LUZP2: variants seen among roughly 807,000 people sequenced by gnomAD.
The protein encoded by LUZP2 is leucine zipper protein 2.
A neutral mutation model predicts 51.6 loss-of-function variants in LUZP2; 52 were observed. That is an observed-to-expected ratio of 1.01 (90% confidence interval 0.81 to 1.27). The LOEUF is 1.27. Among genes scored for constraint, LUZP2 ranks in the 50% most tolerant of loss-of-function variants. The probability of loss-of-function intolerance (pLI) is 0.00; values close to 1 mark genes in which losing one functional copy is unlikely to be tolerated. For synonymous variants in LUZP2, 154 were observed against 137.3 expected, an observed-to-expected ratio of 1.12 and a Z score of -0.85; for missense variants, 436 against 395.4, an observed-to-expected ratio of 1.10 and a Z score of -0.87.
intron 5 of LUZP2, among the ~76,000 whole-genome samples, chr11:24,859,717 G>A (rs993392598): frequency 6.6e-5 from 10 of 152,202 alleles, no homozygotes; most frequent in Admixed American, 5.2e-4. Flanking sequence ...AGTGTGGTGC[G>A]GCAGCCCACC....
At position 24,678,608 on chromosome 11, in the gene LUZP2, C is replaced by T. The variant is rs1162472236; in HGVS notation, c.63-50561C>T. On this transcript the variant is annotated intron_variant, in intron 1 of 11. Transcript: ENST00000336930. ...TACTTCTAAGCTACTCAATAGCAGC[C>T]TTCAATTTTAGACATAATTTACTTT... Among the ~76,000 whole-genome samples the T allele has an allele frequency of 3.3e-5, 5 of 152,134 alleles. No individual in the cohort carries two copies. In the East Asian group the frequency reaches 9.6e-4, roughly 29 times the overall value.
rs1277388215 is a variant in LUZP2, at chr11:24,922,825, C to CTT, written c.522+8297_522+8298dup. ...GGACTACCAAGTGGCACAGTTATAT[C>CTT]TTTTTTTTTTTCTTTTTTTTTTTTT... is the stretch of plus-strand genomic sequence containing the variant. On this transcript the variant is annotated intron_variant, in intron 7 of 11. Coordinates refer to ENST00000336930, the MANE Select transcript of LUZP2 (RefSeq NM_001009909.4). Among the ~76,000 whole-genome samples the CTT allele has an allele frequency of 1.5e-3, 65 of 44,598 alleles. 7 individuals carry two copies. Among genetic ancestry groups the CTT allele is most frequent in the South Asian group, 2.9e-3 (2 of 688 alleles). The allele number at this position is 44,598 out of a possible 152,430, so 29.3% of individuals were successfully genotyped here.
chr11:24,795,798 A>G (rs1414642411), intron 5 of LUZP2, among the ~76,000 whole-genome samples: 1 of 152,064 alleles, frequency 6.6e-6, no homozygotes, highest in Non-Finnish European at 1.5e-5. Context: ...CTTGCTATCA[A>G]TCTCTTGTCT....
At chr11:24,664,165 A>G (rs1272463344) in intron 1 of LUZP2, among the ~76,000 whole-genome samples, 1 of 151,416 alleles carries the variant, frequency 6.6e-6, no homozygotes, top group African/African-American at 2.5e-5. Context: ...GGAACTTCCT[A>G]GAGACTTGGA....
At chr11:24,627,882 C>A (rs779065426) in intron 1 of LUZP2, among the ~76,000 whole-genome samples, 1 of 152,148 alleles carries the variant, frequency 6.6e-6, no homozygotes, top group Non-Finnish European at 1.5e-5. Flanking sequence ...GATAATGACA[C>A]CCCTCCCTTC....
chr11:24,964,633 A>G (rs1472620124), intron 7 of LUZP2, among the ~76,000 whole-genome samples: 1 of 152,110 alleles, frequency 6.6e-6, no homozygotes. Context: ...GGTATATTAT[A>G]CTATGTGGCT....
At chr11:24,893,404 G>C (rs1243041348) in intron 5 of LUZP2, 1 of 151,984 alleles carries the variant, frequency 6.6e-6, no homozygotes, top group Non-Finnish European at 1.5e-5. Context: ...AAATTCTGTA[G>C]AGTATTTCTA....
At chr11:24,501,407 A>G (rs765924580) in intron 1 of LUZP2, among the ~76,000 whole-genome samples, 27 of 152,358 alleles carry the variant, frequency 1.8e-4, no homozygotes, top group South Asian at 2.1e-4. Context: ...ATTGAAAGGA[A>G]GAACTTGACC....
At chr11:24,765,713 C>T (rs1305435173) in intron 5 of LUZP2, among the ~76,000 whole-genome samples, 2 of 149,692 alleles carry the variant, frequency 1.3e-5, no homozygotes, top group African/African-American at 2.5e-5. Context: ...CTGCAAGCTG[C>T]GCCTCCCAGG....
At chr11:24,843,947 G>A (rs1174299243) in intron 5 of LUZP2, among the ~76,000 whole-genome samples, 1 of 152,130 alleles carries the variant, frequency 6.6e-6, no homozygotes, top group Non-Finnish European at 1.5e-5. Flanking sequence ...GAAACTGTAA[G>A]TCCCTTTTTC....
chr11:24,742,331 GTTCC>G (rs1859213747), intron 4 of LUZP2, among the ~76,000 whole-genome samples: 1 of 151,804 alleles, frequency 6.6e-6, no homozygotes, highest in Non-Finnish European at 1.5e-5. Context: ...GTGCGAAAGT[GTTCC>G]CTGATCACTG....
intron 1 of LUZP2, among the ~76,000 whole-genome samples, chr11:24,658,475 G>A (rs577982294): frequency 6.6e-6 from 1 of 152,198 alleles, no homozygotes; most frequent in East Asian, 1.9e-4. Context: ...AAAAACCCTA[G>A]AAGAAAACCT....
rs1859400686 is a variant in LUZP2 at position 25,079,004 on chromosome 11, A to G, written c.*346A>G. The stretch of plus-strand genomic sequence containing the variant: ...TATAGTTGTCAAAATCAACTGGAGG[A>G]TAATAAAATATTGTGGGTTCTCAGC... On this transcript the variant is annotated 3_prime_UTR_variant, in exon 12 of 12. Coordinates refer to ENST00000336930, the MANE Select transcript of LUZP2 (RefSeq NM_001009909.4). 1 of 175,488 alleles carries G rather than the reference A, an allele frequency of 5.7e-6. No individual in the cohort carries two copies. The allele number at this position is 175,488 out of a possible 1,614,324, so 10.9% of individuals were successfully genotyped here. A position where few individuals can be genotyped will look rare whatever the true frequency, so the allele number is the denominator to read the frequency against.
intron 5 of LUZP2, among the ~76,000 whole-genome samples, chr11:24,864,073 A>G (rs1851816950): frequency 6.6e-6 from 1 of 152,186 alleles, no homozygotes; most frequent in African/African-American, 2.4e-5. Context: ...TAATGATTTC[A>G]CTTTAATTTC....
intron 1 of LUZP2, among the ~76,000 whole-genome samples, chr11:24,721,224 T>C (rs1343391855): frequency 6.6e-6 from 1 of 152,210 alleles, no homozygotes; most frequent in African/African-American, 2.4e-5. Flanking sequence ...AAAGGAATTG[T>C]TAGCAAATAA....
At chr11:25,001,577 A>T (rs977287694) in intron 9 of LUZP2, among the ~76,000 whole-genome samples, 4 of 152,214 alleles carry the variant, frequency 2.6e-5, no homozygotes, top group African/African-American at 9.6e-5. Context: ...ACAAGGTGGT[A>T]TTGGAGTGTT....
At chr11:24,579,918 G>A (rs1417138491) in intron 1 of LUZP2, among the ~76,000 whole-genome samples, 2 of 152,124 alleles carry the variant, frequency 1.3e-5, no homozygotes, top group East Asian at 1.9e-4. Flanking sequence ...ATACATCTAA[G>A]CAAGAACTAT....
chr11:24,898,224 T>A (rs1455379825), intron 5 of LUZP2, among the ~76,000 whole-genome samples: 1 of 147,944 alleles, frequency 6.8e-6, no homozygotes, highest in Non-Finnish European at 1.5e-5. Context: ...ATCTAAGACA[T>A]CCAGTTTATG....
At chr11:24,653,614 T>C (rs1276783361) in intron 1 of LUZP2, among the ~76,000 whole-genome samples, 1 of 152,160 alleles carries the variant, frequency 6.6e-6, no homozygotes, top group Non-Finnish European at 1.5e-5. Flanking sequence ...GTCTAGAGCA[T>C]AAGAGTGAAC....
Sources: gnomAD v4.1 joint callset for allele counts (sites outside exome capture counted in the v4.1 genomes callset) on GRCh38, gnomAD v4.1.1 for gene constraint, MANE v1.5 for transcripts, NCBI Gene and HGNC (gene_info 2026-07-23, HGNC 2026-07-21) for gene names.